PANK2: variants seen among roughly 807,000 people sequenced by gnomAD.
PANK2 encodes the protein pantothenate kinase 2, mitochondrial.
A neutral mutation model predicts 43.1 loss-of-function variants in PANK2; 36 were observed. The observed-to-expected ratio is 0.84, with a 90% CI of 0.64 to 1.10. The LOEUF is 1.10. Ranked by LOEUF, PANK2 falls within the 50% of genes least tolerant of loss-of-function variation. The pLI is 0.00. For synonymous variants in PANK2, 281 were observed against 238.2 expected (o/e 1.18, Z -1.66); for missense variants, 576 against 593.3 (o/e 0.97, Z 0.30).
At chr20:3,889,760 GC>G (rs748536435) in intron 1 of PANK2, 32 bp downstream of exon 1, 2 of 649,534 alleles carry the variant, frequency 3.1e-6, no homozygotes, top group South Asian at 4.0e-5. Flanking sequence ...CTCCCGGCCC[GC>G]CCTGCCCCCC....
At position 3,917,007 on chromosome 20, in the gene PANK2, C is replaced by G; in HGVS notation, c.1163C>G (p.Thr388Ser). 6.2e-7 allele frequency: 1 copy of G among 1,614,010 alleles called. No individual in the cohort carries two copies. Among genetic ancestry groups the G allele is most frequent in the South Asian group, 1.1e-5 (1 of 91,080 alleles). ...GCCAGAGCGACTTTGATCACCATCACCAACAACATTGGCTCAATAGCAAGA... is the reference window on the plus strand; with the variant it reads ...GCCAGAGCGACTTTGATCACCATCAGCAACAACATTGGCTCAATAGCAAGA... Residue 388 changes from threonine (T) to serine (S), a missense_variant, in exon 5 of 7, where the codon ACC (threonine) becomes AGC (serine). Coordinates refer to ENST00000610179, the MANE Select transcript of PANK2 (RefSeq NM_001386393.1).
At chr20:3,898,452 G>A (rs898449356) in intron 1 of PANK2, among the ~76,000 whole-genome samples, 9 of 152,086 alleles carry the variant, frequency 5.9e-5, no homozygotes, top group Non-Finnish European at 1.3e-4. Flanking sequence ...CACTCGCCTC[G>A]GCCTCCCAAA....
Position 3,907,966 on chromosome 20 carries a change from C to T in PANK2, c.339C>T (p.Val113=). 6.2e-7 allele frequency: 1 copy of T among 1,614,096 alleles called. No homozygotes were observed. Among genetic ancestry groups the T allele is most frequent in the Non-Finnish European group, 8.5e-7 (1 of 1,180,020 alleles). ...GACTGGATATCGGTGGAACTCTGGT[C>T]AAGCTGGTATATTTTGAACCCAAAG... The change falls in exon 2 of 7, where the codon GTC becomes GTT. Residue 113 remains valine, a synonymous_variant. Transcript: ENST00000610179.
At chr20:3,899,470 T>TG (rs1031746995) in intron 1 of PANK2, among the ~76,000 whole-genome samples, 19 of 150,748 alleles carry the variant, frequency 1.3e-4, no homozygotes, top group African/African-American at 4.7e-4. Flanking sequence ...TACATCCGGC[T>TG]GTTTTTTTTT....
In PANK2 at chr20:3,895,278, A is replaced by AAAAT. The variant is rs765107934; in HGVS notation, c.298+5573_298+5576dup. On this transcript the variant is annotated intron_variant, in intron 1 of 6. Coordinates refer to ENST00000610179, the MANE Select transcript of PANK2 (RefSeq NM_001386393.1). ...GACAGGGCGAGACTCCATCTCAAATAAAATAAATAAATAAATAAATAAATA... is the reference window on the plus strand; with the variant it reads ...GACAGGGCGAGACTCCATCTCAAATAAAATAAATAAATAAATAAATAAATAAATA... 1.8e-3 allele frequency among the ~76,000 whole-genome samples: 270 copies of AAAAT among 151,780 alleles called. 1 individual carries two copies. The highest frequency in any genetic ancestry group is 0.01 in the Middle Eastern group (3 of 294).
intron 2 of PANK2, among the ~76,000 whole-genome samples, chr20:3,909,763 T>G (rs543404349): frequency 6.6e-6 from 1 of 151,920 alleles, no homozygotes; most frequent in East Asian, 1.9e-4. Context: ...CTAATTTTTT[T>G]TTTTATCTTT....
intron 1 of PANK2, among the ~76,000 whole-genome samples, chr20:3,893,594 C>T (rs2090157418): frequency 6.6e-6 from 1 of 152,158 alleles, no homozygotes; most frequent in Non-Finnish European, 1.5e-5. Flanking sequence ...TTGAAGATGA[C>T]TCGCAAGGCA....
chr20:3,889,080 G>C (rs900339886), upstream of PANK2: 2 of 1,522,976 alleles, frequency 1.3e-6, no homozygotes, highest in East Asian at 2.5e-5. Flanking sequence ...TGCACAAGTG[G>C]GGGGCGGAAG....
chr20:3,903,466 CTT>C (rs1258746977), intron 1 of PANK2, among the ~76,000 whole-genome samples: 11 of 117,458 alleles, frequency 9.4e-5, no homozygotes, highest in Non-Finnish European at 8.6e-5. Context: ...TCTTCTTTTC[CTT>C]TTTTTTTTTT....
At chr20:3,893,822 G>T (rs2090160432) in intron 1 of PANK2, among the ~76,000 whole-genome samples, 1 of 151,986 alleles carries the variant, frequency 6.6e-6, no homozygotes, top group Admixed American at 6.6e-5. Flanking sequence ...TCAGCTTCAG[G>T]GAATTAGGAC....
At chr20:3,897,057 C>T (rs1051769472) in intron 1 of PANK2, among the ~76,000 whole-genome samples, 11 of 152,222 alleles carry the variant, frequency 7.2e-5, no homozygotes, top group Admixed American at 1.3e-4. Context: ...GGTACATAGT[C>T]GTTGGAATTG....
chr20:3,918,578 A>G (rs2090598979), intron 5 of PANK2, 93 bp from the exon 6 acceptor site: 1 of 1,544,368 alleles, frequency 6.5e-7, no homozygotes, highest in Admixed American at 1.7e-5. Context: ...AATTGTTGCT[A>G]AGAGCTATGC....
At position 3,903,127 on chromosome 20, in the gene PANK2, G is replaced by T. The variant is rs140698549; in HGVS notation, c.299-4799G>T. On this transcript the variant is annotated intron_variant, in intron 1 of 6. Transcript: ENST00000610179. Reference sequence around the variant, plus strand: ...TTTGCTTGCTTTCAGATGTAAAAATGATTAGCTTGCCTTTTTTTTTTTTTT... The same window carrying T: ...TTTGCTTGCTTTCAGATGTAAAAATTATTAGCTTGCCTTTTTTTTTTTTTT... Among the ~76,000 whole-genome samples the T allele has an allele frequency of 1.7e-3, 242 of 145,198 alleles. 2 individuals carry two copies. The highest frequency in any genetic ancestry group is 6.0e-3 in the African/African-American group (239 of 40,026).
At chr20:3,922,530 G>T (rs2090662320) in intron 6 of PANK2, among the ~76,000 whole-genome samples, 2 of 152,070 alleles carry the variant, frequency 1.3e-5, no homozygotes, top group African/African-American at 4.8e-5. Flanking sequence ...TTGGGTGGTG[G>T]TTTTCATTCC....
In PANK2 at chr20:3,926,961, A is replaced by T. The variant is rs1568596074; in HGVS notation, c.*3667A>T. The T allele has an allele frequency of 6.4e-6, 1 of 156,350 alleles. No homozygotes were observed. Among genetic ancestry groups the T allele is most frequent in the Non-Finnish European group, 1.4e-5 (1 of 71,802 alleles). 9.7% of individuals were successfully genotyped at this position (156,350 alleles called of 1,614,324 possible). ...GTCTCAAAAAAAAAAAAAAAAAAAAATCCGCTATTTCAGGTCACCCTGGTG... is the reference window on the plus strand; with the variant it reads ...GTCTCAAAAAAAAAAAAAAAAAAAATTCCGCTATTTCAGGTCACCCTGGTG... On this transcript the variant is annotated 3_prime_UTR_variant, in exon 7 of 7. Coordinates refer to ENST00000610179, the MANE Select transcript of PANK2 (RefSeq NM_001386393.1).
At position 3,912,439 on chromosome 20, in the gene PANK2, T is replaced by C. The variant is rs1246135106; in HGVS notation, c.906-19T>C. ...TTTTAAAAATGTTATAATACTGTGTTAATTGTTTTTAATCATAGTCTTGGA... is the reference window on the plus strand; with the variant it reads ...TTTTAAAAATGTTATAATACTGTGTCAATTGTTTTTAATCATAGTCTTGGA... On this transcript the variant is annotated intron_variant, in intron 3 of 6. Coordinates refer to ENST00000610179, the MANE Select transcript of PANK2 (RefSeq NM_001386393.1). The C allele has an allele frequency of 6.2e-7, 1 of 1,611,842 alleles. No individual in the cohort carries two copies. The highest frequency in any genetic ancestry group is 8.5e-7 in the Non-Finnish European group (1 of 1,177,918).
At chr20:3,916,879 C>T (rs1178960972) in intron 4 of PANK2, 48 bp from the exon 5 acceptor site, 1 of 1,611,930 alleles carries the variant, frequency 6.2e-7, no homozygotes, top group African/African-American at 1.3e-5. Flanking sequence ...TTCTGTTGGG[C>T]TTTGTTGCTG....
intron 1 of PANK2, among the ~76,000 whole-genome samples, chr20:3,899,119 C>A (rs2090257381): frequency 6.6e-6 from 1 of 151,454 alleles, no homozygotes; most frequent in Admixed American, 6.6e-5. Context: ...CGTGATCCAC[C>A]TGCCTCGGCC....
chr20:3,912,613 C>G lies in PANK2; in HGVS notation c.1061C>G (p.Pro354Arg). 12 of 1,613,954 alleles carry G rather than the reference C, an allele frequency of 7.4e-6. No individual in the cohort carries two copies. Among genetic ancestry groups the G allele is most frequent in the Non-Finnish European group, 1.0e-5 (12 of 1,179,982 alleles). The change falls in exon 4 of 7, where the codon CCA becomes CGA. Residue 354 changes from proline to arginine, a missense_variant. Transcript: ENST00000610179. ...GGGGACTATGAGAGGTTTGGACTGC[C>G]AGGCTGGGCTGTGGCTTCAAGGTAA...
Sources: allele counts gnomAD v4.1 joint callset (sites outside exome capture counted in the v4.1 genomes callset), GRCh38; gene constraint gnomAD v4.1.1; transcripts MANE v1.5; gene names NCBI Gene and HGNC (gene_info 2026-07-23, HGNC 2026-07-21).